The following UBE2R2 variants were observed in gnomAD, a reference collection of about 807,000 sequenced individuals.
UBE2R2 encodes the protein ubiquitin-conjugating enzyme E2 R2.
UBE2R2 carries 1 observed loss-of-function variant against 27.8 expected under a neutral mutation model. The observed-to-expected ratio is 0.04, with a 90% confidence interval of 0.01 to 0.17. UBE2R2 has a LOEUF of 0.17. Ranked by LOEUF, UBE2R2 falls within the 10% of genes least tolerant of loss-of-function variation. The pLI, the probability that UBE2R2 is intolerant of heterozygous loss-of-function variation, is 1.00. For missense variants in UBE2R2, 100 were observed against 291.0 expected (o/e 0.34, Z 4.78); for synonymous variants, 106 against 113.3 (o/e 0.94, Z 0.41).
Position 33,917,441 on chromosome 9 carries a change from TG to T in UBE2R2, c.*205del. 3 of 709,912 alleles carry T rather than the reference TG, an allele frequency of 4.2e-6. No individual in the cohort carries two copies. The allele number at this position is 709,912 out of a possible 1,614,324, so 44.0% of individuals were successfully genotyped here. A position where few individuals can be genotyped will look rare whatever the true frequency, so the allele number is the denominator to read the frequency against. On this transcript the variant is annotated 3_prime_UTR_variant, in exon 5 of 5. Transcript: ENST00000263228. ...GGAGAGAGAGTAACCCTCCACAGAA[TG>T]TCTGAATTCTTGCATTCTTTACCCT...
At chr9:33,865,282 C>T (rs574674396) in intron 1 of UBE2R2, among the ~76,000 whole-genome samples, 2 of 151,776 alleles carry the variant, frequency 1.3e-5, no homozygotes, top group African/African-American at 2.4e-5. Context: ...GCTCACTCAC[C>T]GCAACCTCCA....
intron 1 of UBE2R2, among the ~76,000 whole-genome samples, chr9:33,821,166 G>C (rs1390026933): frequency 6.6e-6 from 1 of 152,120 alleles, no homozygotes; most frequent in Non-Finnish European, 1.5e-5. Flanking sequence ...CTTTTGAAAG[G>C]AACTTTTTCA....
intron 1 of UBE2R2, among the ~76,000 whole-genome samples, chr9:33,838,197 A>G (rs1314608030): frequency 6.6e-6 from 1 of 150,614 alleles, no homozygotes; most frequent in Non-Finnish European, 1.5e-5. Flanking sequence ...TCTGTTGCCC[A>G]GGCTGGAGTG....
intron 1 of UBE2R2, among the ~76,000 whole-genome samples, chr9:33,830,653 A>G (rs2380872): frequency 0.27 from 40,117 of 151,116 alleles, 5,510 homozygotes; most frequent in South Asian, 0.41. Flanking sequence ...CTCTCATCCC[A>G]GCCACTTGGG....
chr9:33,853,001 C>G (rs1050553359), intron 1 of UBE2R2, among the ~76,000 whole-genome samples: 4 of 150,778 alleles, frequency 2.7e-5, no homozygotes, highest in African/African-American at 9.8e-5. Flanking sequence ...GAGCAAGACT[C>G]TGTCTCAAAT....
At position 33,896,443 on chromosome 9, in the gene UBE2R2, T is replaced by C. The variant is rs569296428; in HGVS notation, c.265-3731T>C. Among the ~76,000 whole-genome samples the C allele has an allele frequency of 2.6e-5, 4 of 151,966 alleles. No homozygotes were observed. In the East Asian group the frequency reaches 7.7e-4, roughly 29 times the overall value. On this transcript the variant is annotated intron_variant, in intron 2 of 4. Coordinates refer to ENST00000263228, the MANE Select transcript of UBE2R2 (RefSeq NM_017811.4). ...CTGAGTATGATGTTAGCTGTGGGTT[T>C]TTTTGGTTTTTTTTTTTTAGATGGA... is the stretch of plus-strand genomic sequence containing the variant.
upstream of UBE2R2, among the ~76,000 whole-genome samples, chr9:33,816,959 A>G (rs1825782506): frequency 6.6e-6 from 1 of 151,736 alleles, no homozygotes; most frequent in Non-Finnish European, 1.5e-5. Context: ...CGCCAGCGTC[A>G]CAAAGCGCCG....
intron 3 of UBE2R2, 75 bp downstream of exon 3, chr9:33,900,346 A>T (rs1478458466): frequency 3.0e-5 from 32 of 1,079,228 alleles, no homozygotes; most frequent in Non-Finnish European, 4.4e-5. Context: ...AAAATTATGT[A>T]TTGTCTTTTA....
At chr9:33,881,259 CAGTT>C (rs1371162374) in intron 1 of UBE2R2, among the ~76,000 whole-genome samples, 6 of 152,206 alleles carry the variant, frequency 3.9e-5, no homozygotes, top group African/African-American at 1.2e-4. Context: ...AACTAATCTC[CAGTT>C]AGTTTAGTTT....
intron 3 of UBE2R2, among the ~76,000 whole-genome samples, chr9:33,906,268 A>G (rs1822354738): frequency 1.3e-5 from 2 of 152,124 alleles, no homozygotes; most frequent in Non-Finnish European, 2.9e-5. Flanking sequence ...GATTACAGGC[A>G]TGCACCACCA....
chr9:33,917,724 T>C lies in UBE2R2; in HGVS notation c.*487T>C, dbSNP rs1036959164. On this transcript the variant is annotated 3_prime_UTR_variant, in exon 5 of 5. Coordinates refer to ENST00000263228, the MANE Select transcript of UBE2R2 (RefSeq NM_017811.4). ...CTTTAAAAAAAAAAAAAAACAAATTTGCCAAGGTTTAGCTGCTCATTTACA... is the reference window on the plus strand; with the variant it reads ...CTTTAAAAAAAAAAAAAAACAAATTCGCCAAGGTTTAGCTGCTCATTTACA... The C allele has an allele frequency of 5.6e-6, 1 of 178,178 alleles. No homozygotes were observed. Among genetic ancestry groups the C allele is most frequent in the African/African-American group, 2.4e-5 (1 of 42,264 alleles). The allele number at this position is 178,178 out of a possible 1,614,324, so 11.0% of individuals were successfully genotyped here.
intron 1 of UBE2R2, among the ~76,000 whole-genome samples, chr9:33,853,224 CAA>C (rs71506142): frequency 2.0e-4 from 22 of 108,168 alleles, no homozygotes; most frequent in Middle Eastern, 5.0e-3. Context: ...CCCTCTGTCT[CAA>C]AAAAAAAAAA....
At chr9:33,858,419 A>T (rs967839122) in intron 1 of UBE2R2, among the ~76,000 whole-genome samples, 2 of 150,634 alleles carry the variant, frequency 1.3e-5, no homozygotes, top group Non-Finnish European at 3.0e-5. Flanking sequence ...ATAGATGTTA[A>T]TTTTTTTTTT....
intron 1 of UBE2R2, among the ~76,000 whole-genome samples, chr9:33,827,961 A>G (rs962425980): frequency 2.0e-5 from 3 of 149,918 alleles, no homozygotes. Context: ...ACATAGCAAG[A>G]CTCCCTCTCA....
At chr9:33,846,525 T>G (rs1422971984) in intron 1 of UBE2R2, among the ~76,000 whole-genome samples, 7 of 152,118 alleles carry the variant, frequency 4.6e-5, no homozygotes, top group Non-Finnish European at 7.4e-5. Flanking sequence ...TCTTTTTTGG[T>G]TTTAATATGA....
intron 2 of UBE2R2, among the ~76,000 whole-genome samples, chr9:33,891,033 T>G (rs1168134218): frequency 1.4e-5 from 2 of 146,718 alleles, no homozygotes; most frequent in Non-Finnish European, 3.0e-5. Context: ...TGTCATGTTT[T>G]TTGTTGTTGT....
Position 33,917,194 on chromosome 9 carries a change from C to T in UBE2R2, c.674C>T (p.Ala225Val), listed in dbSNP as rs1026908813. Residue 225 changes from alanine (A) to valine (V), a missense_variant, in exon 5 of 5, where the codon GCC (alanine) becomes GTC (valine). Physicochemically the swap from Ala to Val is moderately conservative, Grantham distance 64 (BLOSUM62 0). Around this residue, in one of 3 missense-constraint regions of UBE2R2, gnomAD observed 55 missense variants for 122.6 expected, o/e 0.45. Coordinates refer to ENST00000263228, the MANE Select transcript of UBE2R2 (RefSeq NM_017811.4). ...IDDEDEEEED[A>V]DCYDDDDSGN... is the part of the protein sequence containing the mutation. ...GATGAAGATGAGGAGGAGGAAGATG[C>T]CGACTGTTATGATGATGATGATTCT... 6.2e-7 allele frequency: 1 copy of T among 1,614,020 alleles called. No individual in the cohort carries two copies. The highest frequency in any genetic ancestry group is 8.5e-7 in the Non-Finnish European group (1 of 1,180,036).
At chr9:33,841,106 G>A (rs982688198) in intron 1 of UBE2R2, among the ~76,000 whole-genome samples, 1 of 150,882 alleles carries the variant, frequency 6.6e-6, no homozygotes, top group African/African-American at 2.4e-5. Flanking sequence ...TTTTTGAGAC[G>A]AAGTCTTGCT....
intron 1 of UBE2R2, among the ~76,000 whole-genome samples, chr9:33,876,280 C>T (rs1239280886): frequency 1.3e-5 from 2 of 152,114 alleles, no homozygotes; most frequent in East Asian, 1.9e-4. Flanking sequence ...TGCTTGAACC[C>T]GGGAGGCGGA....
Sources: gnomAD v4.1 joint callset for allele counts (sites outside exome capture counted in the v4.1 genomes callset) on GRCh38, gnomAD v4.1.1 for gene constraint, gnomAD v4.1.1 regional missense constraint, MANE v1.5 for transcripts, NCBI Gene and HGNC (gene_info 2026-07-23, HGNC 2026-07-21) for gene names.